The following NUP50 variants were observed in gnomAD, a reference collection of about 807,000 sequenced individuals.
The protein encoded by NUP50 is nuclear pore complex protein Nup50.
A neutral mutation model predicts 36.8 loss-of-function variants in NUP50; 14 were observed. The observed-to-expected ratio is 0.38, with a 90% confidence interval of 0.25 to 0.59. The LOEUF is 0.59. Among genes scored for constraint, NUP50 ranks in the 20% least tolerant of loss-of-function variants. NUP50 has a pLI of 0.63. For synonymous variants in NUP50, 195 were observed against 210.8 expected (o/e 0.93, Z 0.65); for missense variants, 455 against 564.6 (o/e 0.81, Z 1.97).
chr22:45,180,101 C>T (rs1398093263), intron 5 of NUP50: 1 of 152,154 alleles, frequency 6.6e-6, no homozygotes, highest in African/African-American at 2.4e-5. Flanking sequence ...CTCTGCCTCC[C>T]ATAAATAAAA....
At chr22:45,182,963 AAGG>A (rs2074401982) in intron 6 of NUP50, among the ~76,000 whole-genome samples, 1 of 151,486 alleles carries the variant, frequency 6.6e-6, no homozygotes, top group Non-Finnish European at 1.5e-5. Flanking sequence ...ACAAAAAAAA[AAGG>A]AGGGAGAGGT....
intron 1 of NUP50, among the ~76,000 whole-genome samples, chr22:45,167,831 T>G (rs1251232383): frequency 6.6e-6 from 1 of 152,088 alleles, no homozygotes; most frequent in African/African-American, 2.4e-5. Context: ...ACTTTTTGAT[T>G]ATATATACAG....
Position 45,178,353 on chromosome 22 carries a change from C to T in NUP50, c.456C>T (p.Val152=), listed in dbSNP as rs777471755. Residue 152 remains valine, a synonymous_variant, in exon 5 of 8, where the codon GTC becomes GTT. Coordinates refer to ENST00000347635, the MANE Select transcript of NUP50 (RefSeq NM_007172.4). The part of the protein sequence containing the change: ...SSGLASSKAC[V]GNAYHKQLAA... Reference sequence around the variant, plus strand: ...GCCTTGCTTCCAGTAAAGCTTGTGTCGGAAATGCCTATCACAAGCAGTTGG... The same window carrying T: ...GCCTTGCTTCCAGTAAAGCTTGTGTTGGAAATGCCTATCACAAGCAGTTGG... 12 of 1,613,808 alleles carry T rather than the reference C, an allele frequency of 7.4e-6. No homozygotes were observed. Among genetic ancestry groups the T allele is most frequent in the Non-Finnish European group, 1.0e-5 (12 of 1,179,846 alleles).
At chr22:45,182,629 T>G (rs1038720072) in intron 6 of NUP50, among the ~76,000 whole-genome samples, 86 of 137,540 alleles carry the variant, frequency 6.3e-4, no homozygotes, top group Admixed American at 1.9e-3. Context: ...GTTTGTTTTT[T>G]TTTTTTTTTT....
Position 45,178,540 on chromosome 22 carries a change from G to C in NUP50, c.643G>C (p.Val215Leu). 2 of 1,612,056 alleles carry C rather than the reference G, an allele frequency of 1.2e-6. No homozygotes were observed. The highest frequency in any genetic ancestry group is 1.1e-5 in the South Asian group (1 of 90,992). ...GAATTCTGAAAGTGAATCTAACAAA[G>C]TGGCAGCTGAAACACAGTCTCCTTC... ...GRNSESESNK[V>L]AAETQSPSLF... Residue 215 changes from valine (V) to leucine (L), a missense_variant, in exon 5 of 8, where the codon GTG (valine) becomes CTG (leucine). Physicochemically the swap from Val to Leu is conservative, Grantham distance 32. Coordinates refer to ENST00000347635, the MANE Select transcript of NUP50 (RefSeq NM_007172.4).
chr22:45,179,313 A>G (rs975260745), intron 5 of NUP50: 15 of 163,702 alleles, frequency 9.2e-5, no homozygotes, highest in African/African-American at 2.9e-4. Flanking sequence ...GCAAAACAGT[A>G]CTTGACTATA....
chr22:45,166,283 C>CTTTTTTTTTTTTTTTTT (rs71190641), intron 1 of NUP50: 4 of 121,946 alleles, frequency 3.3e-5, no homozygotes, highest in African/African-American at 1.4e-4. Flanking sequence ...TTTTCTTTTT[C>CTTTTTTTTTTTTTTTTT]TTTTTTTTTT....
At position 45,164,248 on chromosome 22, in the gene NUP50, G is replaced by A. The variant is rs1380227877; in HGVS notation, c.-59G>A. ...AGACCCCTGCGCCGCTGCGCCCCGG[G>A]TTTCGCCGCAACCAAGACCCAGCGA... is the stretch of plus-strand genomic sequence containing the variant. On this transcript the variant is annotated 5_prime_UTR_variant, in exon 1 of 8. Transcript: ENST00000347635. 6.6e-6 allele frequency: 1 copy of A among 152,346 alleles called. No homozygotes were observed. The highest frequency in any genetic ancestry group is 1.9e-4 in the East Asian group (1 of 5,188). 9.4% of individuals were successfully genotyped at this position (152,346 alleles called of 1,614,324 possible). A position where few individuals can be genotyped will look rare whatever the true frequency, so the allele number is the denominator to read the frequency against.
chr22:45,183,076 G>T (rs1315789012), intron 6 of NUP50, among the ~76,000 whole-genome samples: 1 of 83,634 alleles, frequency 1.2e-5, no homozygotes, highest in African/African-American at 4.0e-5. Flanking sequence ...GAATGGCAGG[G>T]GTTGGGGGCG....
rs752396802 is a variant in NUP50 at position 45,183,448 on chromosome 22, A to G, written c.1132A>G (p.Ile378Val). The change falls in exon 7 of 8, where the codon ATA becomes GTA. Residue 378 changes from isoleucine (I) to valine (V), a missense_variant. By Grantham distance (29) the Ile-to-Val change is conservative (BLOSUM62 3). Around this residue, in one of 3 missense-constraint regions of NUP50, gnomAD observed 287 missense variants for 345.5 expected, o/e 0.83. Transcript: ENST00000347635. ...AGACAATGAGTTTAAAGAGAAAGGCATAGGTACTCTGCATTTAAAACCTAC... is the reference window on the plus strand; with the variant it reads ...AGACAATGAGTTTAAAGAGAAAGGCGTAGGTACTCTGCATTTAAAACCTAC... ...KKDNEFKEKG[I>V]GTLHLKPTAN... 4.3e-6 allele frequency: 7 copies of G among 1,611,436 alleles called. No homozygotes were observed. Among genetic ancestry groups the G allele is most frequent in the Non-Finnish European group, 5.9e-6 (7 of 1,178,702 alleles).
At position 45,178,616 on chromosome 22, in the gene NUP50, G is replaced by T. The variant is rs1203563682; in HGVS notation, c.719G>T (p.Gly240Val). 5 of 1,611,824 alleles carry T rather than the reference G, an allele frequency of 3.1e-6. No homozygotes were observed. The highest frequency in any genetic ancestry group is 4.2e-6 in the Non-Finnish European group (5 of 1,179,854). Reference protein sequence around the residue: ...LQQESTFLFHGNKTEDTPDKK... With the variant: ...LQQESTFLFHVNKTEDTPDKK... ...CAAGAGTCAACGTTTTTGTTTCATG[G>T]CAACAAAACTGAAGATACACCTGAC... The change falls in exon 5 of 8, where the codon GGC becomes GTC. Residue 240 changes from glycine to valine, a missense_variant. By Grantham distance (109) the Gly-to-Val change is moderately radical. Around this residue, in one of 3 missense-constraint regions of NUP50, gnomAD observed 287 missense variants for 345.5 expected, o/e 0.83. Transcript: ENST00000347635.
At chr22:45,165,367 C>T (rs1834228928) in intron 1 of NUP50, among the ~76,000 whole-genome samples, 1 of 152,226 alleles carries the variant, frequency 6.6e-6, no homozygotes, top group Admixed American at 6.5e-5. Context: ...TTCCAAGTAG[C>T]TGGGACCACA....
At chr22:45,172,257 G>A (rs1378526003) in intron 3 of NUP50, 1 of 152,264 alleles carries the variant, frequency 6.6e-6, no homozygotes, top group Non-Finnish European at 1.5e-5. Context: ...CCAGGAGAGT[G>A]TGGTCTTGGT....
intron 2 of NUP50, chr22:45,171,015 C>G: frequency 7.7e-7 from 1 of 1,303,940 alleles, no homozygotes; most frequent in Non-Finnish European, 1.0e-6. Context: ...AAACTAAAGC[C>G]GAAGATATTC....
In NUP50 at chr22:45,187,488, T is replaced by C. The variant is rs1234150043; in HGVS notation, c.*2833T>C. 2.0e-5 allele frequency: 3 copies of C among 152,220 alleles called. No individual in the cohort carries two copies. Among genetic ancestry groups the C allele is most frequent in the Non-Finnish European group, 2.9e-5 (2 of 68,002 alleles). The allele number at this position is 152,220 out of a possible 1,614,324, so 9.4% of individuals were successfully genotyped here. On this transcript the variant is annotated 3_prime_UTR_variant, in exon 8 of 8. Transcript: ENST00000347635. ...AAGAAAAACTAATATTCTACCTTAC[T>C]AGTAGAGTTCAAAACAAGTTTTCAC...
intron 5 of NUP50, chr22:45,179,272 TAGG>T (rs1323769646): frequency 5.5e-6 from 1 of 182,778 alleles, no homozygotes; most frequent in Non-Finnish European, 1.1e-5. Context: ...GATTTGTACT[TAGG>T]AGATCTCACT....
rs750642490 is a variant in NUP50 at position 45,178,747 on chromosome 22, T to C, written c.850T>C (p.Ser284Pro). 9 of 1,613,840 alleles carry C rather than the reference T, an allele frequency of 5.6e-6. No individual in the cohort carries two copies. In the East Asian group the frequency reaches 1.8e-4, roughly 32 times the overall value. Reference sequence around the variant, plus strand: ...GAAAGTTGATAGCTCTGTTTTGGGCTCATTAAGCTCTGTCCCCCTGACTGG... The same window carrying C: ...GAAAGTTGATAGCTCTGTTTTGGGCCCATTAAGCTCTGTCCCCCTGACTGG... Reference protein sequence around the residue: ...GKKVDSSVLGSLSSVPLTGFS... With the variant: ...GKKVDSSVLGPLSSVPLTGFS... Residue 284 changes from serine to proline, a missense_variant, in exon 5 of 8, where the codon TCA (serine) becomes CCA (proline). By Grantham distance (74) the Ser-to-Pro change is moderately conservative. This residue lies in a region of NUP50 where 287 missense variants were observed against 345.5 expected (regional missense o/e 0.83). Coordinates refer to ENST00000347635, the MANE Select transcript of NUP50 (RefSeq NM_007172.4).
At chr22:45,171,516 C>A in intron 2 of NUP50, 84 bp from the exon 3 acceptor site, 1 of 1,258,574 alleles carries the variant, frequency 7.9e-7, no homozygotes, top group Non-Finnish European at 1.2e-6. Flanking sequence ...CACAGTGGCT[C>A]AGTTCTAGCT....
At chr22:45,168,115 T>C (rs1388447316) in intron 1 of NUP50, 53 bp from the exon 2 acceptor site, 18 of 1,330,092 alleles carry the variant, frequency 1.4e-5, no homozygotes, top group African/African-American at 4.5e-5. Flanking sequence ...TAAAATTCTT[T>C]ATAAGAATTT....
Sources: allele counts gnomAD v4.1 joint callset (sites outside exome capture counted in the v4.1 genomes callset), GRCh38; gene constraint gnomAD v4.1.1; regional missense constraint gnomAD v4.1.1; transcripts MANE v1.5; gene names NCBI Gene and HGNC (gene_info 2026-07-23, HGNC 2026-07-21).